SAFB: variants seen among roughly 807,000 people sequenced by gnomAD.
SAFB encodes scaffold attachment factor B1.
A neutral mutation model predicts 101.6 loss-of-function variants in SAFB; 15 were observed. The observed-to-expected ratio is 0.15, with a 90% CI of 0.10 to 0.23. SAFB has a LOEUF of 0.23. Among genes scored for constraint, SAFB ranks in the 10% least tolerant of loss-of-function variants. The probability of loss-of-function intolerance (pLI) is 1.00; values close to 1 mark genes in which losing one functional copy is unlikely to be tolerated. For missense variants in SAFB, 930 were observed against 1,104.1 expected, an observed-to-expected ratio of 0.84 and a Z score of 2.23; for synonymous variants, 449 against 407.5, an observed-to-expected ratio of 1.10 and a Z score of -1.23.
At chr19:5,635,988 TGATTAATA>T (rs1261352142) in intron 2 of SAFB, among the ~76,000 whole-genome samples, 3 of 152,132 alleles carry the variant, frequency 2.0e-5, no homozygotes, top group Admixed American at 2.0e-4. Flanking sequence ...CAAGTCGTGA[TGATTAATA>T]AACATTCCAG....
At chr19:5,649,842 G>T in intron 7 of SAFB, 84 bp from the exon 8 acceptor site, 1 of 1,249,896 alleles carries the variant, frequency 8.0e-7, no homozygotes, top group South Asian at 1.2e-5. Context: ...GGGTAGGTAT[G>T]CAACCTCAGC....
intron 2 of SAFB, among the ~76,000 whole-genome samples, chr19:5,633,597 G>A (rs1207137020): frequency 6.6e-6 from 1 of 152,090 alleles, no homozygotes; most frequent in African/African-American, 2.4e-5. Context: ...GGCTAACACG[G>A]TGAAACCCCA....
At chr19:5,645,730 G>A (rs1389758556) in intron 5 of SAFB, among the ~76,000 whole-genome samples, 1 of 152,182 alleles carries the variant, frequency 6.6e-6, no homozygotes, top group African/African-American at 2.4e-5. Context: ...ATCCCCTGCA[G>A]AAAGATGATT....
chr19:5,643,434 T>C (rs1271183377), intron 4 of SAFB, among the ~76,000 whole-genome samples: 1 of 152,216 alleles, frequency 6.6e-6, no homozygotes, highest in African/African-American at 2.4e-5. Flanking sequence ...GATTGTCATA[T>C]TTGAATGGAG....
chr19:5,663,421 C>A (rs1032028403), intron 15 of SAFB, among the ~76,000 whole-genome samples: 1 of 152,220 alleles, frequency 6.6e-6, no homozygotes, highest in Non-Finnish European at 1.5e-5. Flanking sequence ...AGGCTTTACA[C>A]GTGCACTGCA....
intron 4 of SAFB, among the ~76,000 whole-genome samples, chr19:5,643,253 G>A (rs1239954512): frequency 3.3e-5 from 5 of 151,742 alleles, no homozygotes; most frequent in East Asian, 1.9e-4. Flanking sequence ...GTGTTGGCTC[G>A]TGGGGGGCCC....
In SAFB at chr19:5,668,337, C is replaced by A; in HGVS notation, c.*46C>A. Reference sequence around the variant, plus strand: ...TGTCTCGTGGCAACAAGGCTATGTTCTGTTAGGAGTTACCTTAAACTGTGT... The same window carrying A: ...TGTCTCGTGGCAACAAGGCTATGTTATGTTAGGAGTTACCTTAAACTGTGT... On this transcript the variant is annotated 3_prime_UTR_variant, in exon 21 of 21. Coordinates refer to ENST00000588852, the MANE Select transcript of SAFB (RefSeq NM_001201338.2). 1 of 1,591,222 alleles carries A rather than the reference C, an allele frequency of 6.3e-7. No homozygotes were observed. The highest frequency in any genetic ancestry group is 1.1e-5 in the South Asian group (1 of 87,984).
intron 1 of SAFB, 70 bp downstream of exon 1, chr19:5,623,464 G>T: frequency 7.3e-7 from 1 of 1,370,786 alleles, no homozygotes; most frequent in Middle Eastern, 2.2e-4. Flanking sequence ...GGTGGCTCGC[G>T]GGCCCTGGCG....
At chr19:5,630,081 CT>C (rs2053456253) in intron 2 of SAFB, among the ~76,000 whole-genome samples, 1 of 152,222 alleles carries the variant, frequency 6.6e-6, no homozygotes, top group Non-Finnish European at 1.5e-5. Flanking sequence ...AGGTTGTACC[CT>C]ACCAACAATG....
intron 2 of SAFB, among the ~76,000 whole-genome samples, chr19:5,628,716 A>G (rs904295738): frequency 6.6e-6 from 1 of 152,202 alleles, no homozygotes; most frequent in Non-Finnish European, 1.5e-5. Flanking sequence ...GTTTGGGGTA[A>G]GTGCTGGGAG....
In SAFB at chr19:5,668,467, A is replaced by G; in HGVS notation, c.*176A>G. ...TTTTGTAATAAATGTGTTTCCGTTCACATACCCTTTATTTAAAGTGTCATT... is the reference window on the plus strand; with the variant it reads ...TTTTGTAATAAATGTGTTTCCGTTCGCATACCCTTTATTTAAAGTGTCATT... On this transcript the variant is annotated 3_prime_UTR_variant, in exon 21 of 21. Transcript: ENST00000588852. 1 of 606,304 alleles carries G rather than the reference A, an allele frequency of 1.6e-6. No individual in the cohort carries two copies. The highest frequency in any genetic ancestry group is 2.7e-6 in the Non-Finnish European group (1 of 371,510). The allele number at this position is 606,304 out of a possible 1,614,324, so 37.6% of individuals were successfully genotyped here.
chr19:5,626,180 C>T (rs2053355405), intron 1 of SAFB, among the ~76,000 whole-genome samples: 1 of 152,140 alleles, frequency 6.6e-6, no homozygotes, highest in Non-Finnish European at 1.5e-5. Flanking sequence ...AACTGAGCAC[C>T]TAAGTAAACC....
Position 5,626,458 on chromosome 19 carries a change from A to G in SAFB, c.243A>G (p.Gly81=), listed in dbSNP as rs757938918. The G allele has an allele frequency of 5.6e-6, 9 of 1,607,832 alleles. No homozygotes were observed. The highest frequency in any genetic ancestry group is 7.7e-6 in the Non-Finnish European group (9 of 1,174,316). The change falls in exon 2 of 21, where the codon GGA becomes GGG. Residue 81 remains glycine, a synonymous_variant. Transcript: ENST00000588852. ...ACGAAATTGAAATTACCTCCGAGGG[A>G]AACAAGAAAACATCAAAGAGGTCTA... ...NPDEIEITSE[G]NKKTSKRSSK...
chr19:5,660,000 G>A (rs947119701), intron 14 of SAFB, among the ~76,000 whole-genome samples: 3 of 152,222 alleles, frequency 2.0e-5, no homozygotes, highest in Admixed American at 2.0e-4. Flanking sequence ...GAGATCCACA[G>A]AGGCAGGTGT....
At chr19:5,656,497 A>G (rs992183485) in intron 13 of SAFB, among the ~76,000 whole-genome samples, 1 of 151,704 alleles carries the variant, frequency 6.6e-6, no homozygotes, top group South Asian at 2.1e-4. Context: ...GCTGGTCTCA[A>G]ACTCCTGACT....
At chr19:5,650,000 C>T (rs370824797) in intron 8 of SAFB, 25 bp downstream of exon 8, 34 of 1,595,890 alleles carry the variant, frequency 2.1e-5, no homozygotes, top group Non-Finnish European at 2.7e-5. Context: ...CGACACCAGT[C>T]CCTTGGAGCA....
In SAFB at chr19:5,637,500, A is replaced by G. The variant is rs569151569; in HGVS notation, c.275-4094A>G. On this transcript the variant is annotated intron_variant, in intron 2 of 20. Coordinates refer to ENST00000588852, the MANE Select transcript of SAFB (RefSeq NM_001201338.2). ...GTGAGACCCCACTGCTACATAAAAT[A>G]CAAAAATTAGCCAAGCATGGTGGCA... Among the ~76,000 whole-genome samples the G allele has an allele frequency of 2.2e-4, 34 of 151,438 alleles. No individual in the cohort carries two copies. The East Asian group carries it at 6.5e-3, about 29-fold the overall frequency.
intron 2 of SAFB, among the ~76,000 whole-genome samples, chr19:5,639,421 G>A (rs1034859940): frequency 1.1e-4 from 16 of 152,102 alleles, no homozygotes; most frequent in Non-Finnish European, 1.0e-4. Context: ...GCCAGGGCGC[G>A]GTGGCTCATG....
intron 9 of SAFB, among the ~76,000 whole-genome samples, chr19:5,652,727 A>C (rs1462787400): frequency 6.6e-6 from 1 of 152,182 alleles, no homozygotes; most frequent in Non-Finnish European, 1.5e-5. Flanking sequence ...TCTGTGCCGA[A>C]GTCTTTTTTT....
Sources: gnomAD v4.1 joint callset for allele counts (sites outside exome capture counted in the v4.1 genomes callset) on GRCh38, gnomAD v4.1.1 for gene constraint, MANE v1.5 for transcripts, NCBI Gene and HGNC (gene_info 2026-07-23, HGNC 2026-07-21) for gene names.